The following C2CD2 variants were observed in gnomAD, a reference collection of about 807,000 sequenced individuals.
C2CD2 encodes C2 domain-containing protein 2.
Under a neutral mutation model 74.3 loss-of-function variants are expected in C2CD2, and 43 were observed. The ratio of observed to expected loss-of-function variants is 0.58; its 90% CI spans 0.45 to 0.75. C2CD2 has a LOEUF of 0.75. Ranked by LOEUF, C2CD2 falls within the 30% of genes least tolerant of loss-of-function variation. The probability of loss-of-function intolerance (pLI) is 0.00; values close to 1 mark genes in which losing one functional copy is unlikely to be tolerated. For synonymous variants in C2CD2, 422 were observed against 390.7 expected, an observed-to-expected ratio of 1.08 and a Z score of -0.94; for missense variants, 801 against 916.3, an observed-to-expected ratio of 0.87 and a Z score of 1.63.
chr21:41,933,318 A>G (rs1162263007), intron 2 of C2CD2, among the ~76,000 whole-genome samples: 1 of 133,824 alleles, frequency 7.5e-6, no homozygotes, highest in African/African-American at 2.5e-5. Context: ...GGCGGTGCAG[A>G]CACGGAATTA....
At chr21:41,900,109 A>T (rs1253050492) in intron 12 of C2CD2, among the ~76,000 whole-genome samples, 2 of 152,154 alleles carry the variant, frequency 1.3e-5, no homozygotes, top group Admixed American at 1.3e-4. Context: ...GTCTCTACTT[A>T]AAAAAGTACA....
In C2CD2 at chr21:41,885,828, G is replaced by A. The variant is rs2236438; in HGVS notation, c.*3296C>T. 0.15 allele frequency: 22,248 copies of A among 152,270 alleles called. 1,949 individuals are homozygous for A. The highest frequency in any genetic ancestry group is 0.27 in the East Asian group (1,395 of 5,172). The allele number at this position is 152,270 out of a possible 1,614,324, so 9.4% of individuals were successfully genotyped here. On this transcript the variant is annotated 3_prime_UTR_variant, in exon 14 of 14. Transcript: ENST00000380486. ...GTAAAACCCAAGCAAAAATCTAAAC[G>A]GGCACCAGGTGGCCACTGAGTGGCG...
rs2064712262 is a variant in C2CD2 at position 41,888,770 on chromosome 21, C to G, written c.*354G>C. The G allele has an allele frequency of 3.5e-6, 1 of 283,916 alleles. No homozygotes were observed. The highest frequency in any genetic ancestry group is 2.2e-5 in the African/African-American group (1 of 46,480). The allele number at this position is 283,916 out of a possible 1,614,324, so 17.6% of individuals were successfully genotyped here. ...CACTTGTTAGTGTAGAATAGGTAAA[C>G]TAAGTCCCTCAAACCTGCCCTCCAC... On this transcript the variant is annotated 3_prime_UTR_variant, in exon 14 of 14. Transcript: ENST00000380486.
Position 41,903,157 on chromosome 21 carries a change from C to T in C2CD2, c.1433-1408G>A, listed in dbSNP as rs1322465565. Among the ~76,000 whole-genome samples, 1 of 152,226 alleles carries T rather than the reference C, an allele frequency of 6.6e-6. No homozygotes were observed. The highest frequency in any genetic ancestry group is 1.5e-5 in the Non-Finnish European group (1 of 68,046). On this transcript the variant is annotated intron_variant, in intron 11 of 13. Transcript: ENST00000380486. The surrounding 1 kb of genome is among the most constrained non-coding windows in gnomAD (Gnocchi z 4.5). Reference sequence around the variant, plus strand: ...CTCCACGGAGATCAAAGCTCCCACACTCAGGACCCTCCCAGACTGTGCCCT... The same window carrying T: ...CTCCACGGAGATCAAAGCTCCCACATTCAGGACCCTCCCAGACTGTGCCCT...
At chr21:41,896,025 A>G (rs1242938094) in intron 13 of C2CD2, among the ~76,000 whole-genome samples, 1 of 152,218 alleles carries the variant, frequency 6.6e-6, no homozygotes, top group Non-Finnish European at 1.5e-5. Context: ...CTCACCTGAT[A>G]GGCCCTGTAC....
chr21:41,920,251 T>C (rs2065141146), intron 3 of C2CD2, among the ~76,000 whole-genome samples: 1 of 152,226 alleles, frequency 6.6e-6, no homozygotes, highest in Non-Finnish European at 1.5e-5. Context: ...GCATCACCAA[T>C]CTGTGCTGTT....
At chr21:41,894,077 T>C (rs969337856) in intron 13 of C2CD2, among the ~76,000 whole-genome samples, 1 of 152,228 alleles carries the variant, frequency 6.6e-6, no homozygotes, top group African/African-American at 2.4e-5. Context: ...CAAATCTTCC[T>C]GAAATCGTTT....
rs772917150 is a variant in C2CD2, at chr21:41,929,252, C to T, written c.379-7167G>A. ...GCTCCATACCTTGGCCAAGTGACTG[C>T]ACCTCTCTGCCTCAGTTTCTCCTTC... On this transcript the variant is annotated intron_variant, in intron 2 of 13. Transcript: ENST00000380486. This position sits in a 1 kb window ranked among gnomAD's most constrained non-coding sequence, Gnocchi z 4.6. Among the ~76,000 whole-genome samples the T allele has an allele frequency of 1.3e-5, 2 of 152,218 alleles. No individual in the cohort carries two copies. Among genetic ancestry groups the T allele is most frequent in the African/African-American group, 2.4e-5 (1 of 41,456 alleles).
chr21:41,943,527 A>G (rs537988069), intron 1 of C2CD2, among the ~76,000 whole-genome samples: 3 of 152,296 alleles, frequency 2.0e-5, no homozygotes, highest in East Asian at 1.9e-4. Flanking sequence ...CCGTGTTTCA[A>G]TGAGCTCCGA....
At chr21:41,909,386 T>C (rs1176323233) in intron 8 of C2CD2, 73 bp downstream of exon 8, 10 of 1,051,232 alleles carry the variant, frequency 9.5e-6, no homozygotes, top group Non-Finnish European at 1.5e-5. Flanking sequence ...CCACCGCCCT[T>C]TTCCTGAGGC....
At chr21:41,898,215 C>T (rs926869431) in intron 13 of C2CD2, among the ~76,000 whole-genome samples, 8 of 152,240 alleles carry the variant, frequency 5.3e-5, no homozygotes, top group African/African-American at 1.9e-4. Context: ...TTCACCTGAG[C>T]TCACGGCTTG....
intron 8 of C2CD2, among the ~76,000 whole-genome samples, chr21:41,909,053 C>T (rs974238060): frequency 9.9e-5 from 15 of 152,072 alleles, no homozygotes; most frequent in Admixed American, 3.9e-4. Flanking sequence ...TACTTACTGC[C>T]CCTGAACTAT....
At chr21:41,937,481 C>A (rs112822700) in intron 2 of C2CD2, among the ~76,000 whole-genome samples, 1 of 152,112 alleles carries the variant, frequency 6.6e-6, no homozygotes, top group Non-Finnish European at 1.5e-5. Context: ...AAAATATATG[C>A]CAATTGACTA....
chr21:41,901,122 G>A (rs2064890372), intron 12 of C2CD2: 1 of 198,200 alleles, frequency 5.0e-6, no homozygotes, highest in Non-Finnish European at 1.0e-5. Flanking sequence ...CACCTGCTCT[G>A]AGCGGACGTC....
chr21:41,918,756 C>A lies in C2CD2; in HGVS notation c.597+100G>T, dbSNP rs1483782316. 10 of 894,830 alleles carry A rather than the reference C, an allele frequency of 1.1e-5. No homozygotes were observed. In the Admixed American group the frequency reaches 1.2e-4, roughly 11 times the overall value. The allele number at this position is 894,830 out of a possible 1,614,324, so 55.4% of individuals were successfully genotyped here. ...GGAGTGGCTGGGACAGGGAAGGAGG[C>A]CAGCAACACCAGCCATGCACTCAGT... On this transcript the variant is annotated intron_variant, in intron 4 of 13. Transcript: ENST00000380486.
At chr21:41,917,728 G>C (rs2065108213) in intron 5 of C2CD2, among the ~76,000 whole-genome samples, 1 of 152,174 alleles carries the variant, frequency 6.6e-6, no homozygotes, top group Non-Finnish European at 1.5e-5. Flanking sequence ...GCAGGACCAG[G>C]GCAGCAGGCC....
chr21:41,948,017 G>C (rs1318095425), intron 1 of C2CD2, among the ~76,000 whole-genome samples: 1 of 152,268 alleles, frequency 6.6e-6, no homozygotes, highest in Non-Finnish European at 1.5e-5. Context: ...GTCTTGTTGG[G>C]AGAATGGGTT....
chr21:41,950,993 G>A (rs902088224), intron 1 of C2CD2, among the ~76,000 whole-genome samples: 1 of 152,166 alleles, frequency 6.6e-6, no homozygotes, highest in Non-Finnish European at 1.5e-5. Flanking sequence ...AGCTGTCCAG[G>A]CGAGAGCGGG....
chr21:41,905,921 A>G, intron 10 of C2CD2, 84 bp from the exon 11 acceptor site: 1 of 788,848 alleles, frequency 1.3e-6, no homozygotes, highest in Non-Finnish European at 2.3e-6. Flanking sequence ...GACAGCCCTC[A>G]CTGCAACTCT....
Sources: gnomAD v4.1 joint callset for allele counts (sites outside exome capture counted in the v4.1 genomes callset) on GRCh38, gnomAD v4.1.1 for gene constraint, Gnocchi (gnomAD v3.1) non-coding constraint, MANE v1.5 for transcripts, NCBI Gene and HGNC (gene_info 2026-07-23, HGNC 2026-07-21) for gene names.